Variants in EHMT1 observed in about 807,000 individuals in gnomAD.
EHMT1 encodes histone-lysine N-methyltransferase EHMT1.
EHMT1 carries 15 observed loss-of-function variants against 147.2 expected under a neutral mutation model. That is an observed-to-expected ratio of 0.10 (90% confidence interval 0.07 to 0.16). EHMT1 has a LOEUF of 0.16. Among genes scored for constraint, EHMT1 ranks in the 10% least tolerant of loss-of-function variants. The pLI is 1.00. For missense variants in EHMT1, 1,587 were observed against 1,772.4 expected, an observed-to-expected ratio of 0.90 and a Z score of 1.88; for synonymous variants, 795 against 709.6, an observed-to-expected ratio of 1.12 and a Z score of -1.91.
chr9:137,701,171 A>G (rs372676273), intron 1 of EHMT1, among the ~76,000 whole-genome samples: 6 of 152,050 alleles, frequency 3.9e-5, no homozygotes, highest in Non-Finnish European at 7.4e-5. Flanking sequence ...CCCTCCCCCA[A>G]CATTGAGGAT....
At position 137,672,977 on chromosome 9, in the gene EHMT1, G is replaced by A. The variant is rs112000510; in HGVS notation, c.22-37990G>A. ...GTTTTCTGCATGCAGGTTTAAGCCT[G>A]CATTTACACTTCTAACCACAAGGTG... On this transcript the variant is annotated intron_variant, in intron 1 of 26. Coordinates refer to ENST00000460843, the MANE Select transcript of EHMT1 (RefSeq NM_024757.5). Among the ~76,000 whole-genome samples, 1,344 of 152,338 alleles carry A rather than the reference G, an allele frequency of 8.8e-3. 14 individuals are homozygous for A. Among genetic ancestry groups the A allele is most frequent in the Non-Finnish European group, 0.012 (785 of 68,032 alleles).
intron 1 of EHMT1, among the ~76,000 whole-genome samples, chr9:137,689,517 A>C (rs10746564): frequency 0.22 from 33,612 of 152,034 alleles, 4,064 homozygotes; most frequent in Admixed American, 0.33. Context: ...AGCCTGGCCA[A>C]CATGGTGAAA....
intron 1 of EHMT1, among the ~76,000 whole-genome samples, chr9:137,654,576 GA>G (rs1328647438): frequency 1.3e-5 from 2 of 152,064 alleles, no homozygotes; most frequent in Non-Finnish European, 2.9e-5. Context: ...TCTTTTTCCA[GA>G]TTGTTTTGGC....
intron 16 of EHMT1, among the ~76,000 whole-genome samples, chr9:137,798,188 T>C (rs12682777): frequency 0.33 from 50,228 of 151,712 alleles, 8,597 homozygotes; most frequent in Admixed American, 0.43. Flanking sequence ...TTGCTTGGGG[T>C]CAGGAGTTCA....
intron 3 of EHMT1, among the ~76,000 whole-genome samples, chr9:137,719,408 C>T (rs1033134724): frequency 2.0e-5 from 3 of 152,090 alleles, no homozygotes; most frequent in African/African-American, 7.2e-5. Context: ...CTGCTGGCTC[C>T]TCAGGGGCCC....
intron 1 of EHMT1, among the ~76,000 whole-genome samples, chr9:137,660,814 G>A (rs1323788326): frequency 2.0e-5 from 3 of 152,132 alleles, no homozygotes; most frequent in Admixed American, 6.6e-5. Flanking sequence ...TGATGCCATC[G>A]TAAGTGATGG....
In EHMT1 at chr9:137,732,179, G is replaced by A. The variant is rs7032377; in HGVS notation, c.823+3650G>A. ...ACACGGGGCAGCCGCCGACACCAGC[G>A]GAGGGCAGGAGGGCTACAGTGTTAC... On this transcript the variant is annotated intron_variant, in intron 4 of 26. Coordinates refer to ENST00000460843, the MANE Select transcript of EHMT1 (RefSeq NM_024757.5). The surrounding 1 kb of genome is among the most constrained non-coding windows in gnomAD (Gnocchi z 4.6). Among the ~76,000 whole-genome samples the A allele has an allele frequency of 0.13, 20,051 of 152,242 alleles. 3,021 individuals are homozygous for A. Among genetic ancestry groups the A allele is most frequent in the African/African-American group, 0.37 (15,489 of 41,488 alleles).
At chr9:137,799,057 T>G (rs958199301) in intron 17 of EHMT1, 143 bp downstream of exon 17, 3 of 445,660 alleles carry the variant, frequency 6.7e-6, no homozygotes, top group Middle Eastern at 1.0e-3. Context: ...AGCGTCCTCT[T>G]CCACACTTAG....
chr9:137,652,829 G>A (rs1203524672), intron 1 of EHMT1, among the ~76,000 whole-genome samples: 1 of 151,356 alleles, frequency 6.6e-6, no homozygotes, highest in South Asian at 2.1e-4. Context: ...AGGTTCAAGC[G>A]ATTTTCCTGC....
chr9:137,781,414 T>C lies in EHMT1; in HGVS notation c.2276-877T>C, dbSNP rs372332600. Among the ~76,000 whole-genome samples the C allele has an allele frequency of 3.4e-3, 434 of 128,286 alleles. 4 individuals carry two copies. The highest frequency in any genetic ancestry group is 0.011 in the East Asian group (51 of 4,646). The allele number at this position is 128,286 out of a possible 152,430, so 84.2% of individuals were successfully genotyped here. On this transcript the variant is annotated intron_variant, in intron 14 of 26. Transcript: ENST00000460843. ...ATGACGCTGGGATGTGTGGTGATGA[T>C]GCTGAGATGTGTGGTGATGACGCTG...
intron 21 of EHMT1, 27 bp from the exon 22 acceptor site, chr9:137,814,404 C>T: frequency 6.2e-7 from 1 of 1,611,204 alleles, no homozygotes; most frequent in South Asian, 1.1e-5. Flanking sequence ...GCCTGCACGT[C>T]TGACCCCCCG....
rs779153176 is a variant in EHMT1, at chr9:137,716,885, G to A, written c.345G>A (p.Val115=). The A allele has an allele frequency of 1.2e-6, 2 of 1,613,212 alleles. No homozygotes were observed. The highest frequency in any genetic ancestry group is 2.2e-5 in the South Asian group (2 of 91,088). The part of the protein sequence containing the change: ...KQNHVTADDF[V]QTSVIGSNGY... ...ACCACGTCACTGCCGACGACTTTGT[G>A]CAGACTTCTGTCATCGGCAGCAACG... The change falls in exon 3 of 27, where the codon GTG becomes GTA. Residue 115 remains valine (V), a synonymous_variant. Coordinates refer to ENST00000460843, the MANE Select transcript of EHMT1 (RefSeq NM_024757.5).
chr9:137,811,406 C>T (rs1954476009), intron 18 of EHMT1, 55 bp from the exon 19 acceptor site: 2 of 1,607,908 alleles, frequency 1.2e-6, no homozygotes, highest in East Asian at 2.2e-5. Flanking sequence ...GGCCCAGCCC[C>T]AGCACTGTGA....
At chr9:137,679,544 T>A (rs914656956) in intron 1 of EHMT1, among the ~76,000 whole-genome samples, 1 of 152,200 alleles carries the variant, frequency 6.6e-6, no homozygotes, top group Non-Finnish European at 1.5e-5. Context: ...TTTCCTCCTC[T>A]TCTTACTAAT....
In EHMT1 at chr9:137,810,397, C is replaced by T. The variant is rs1172755392; in HGVS notation, c.2713-1064C>T. Among the ~76,000 whole-genome samples the T allele has an allele frequency of 3.3e-5, 5 of 152,344 alleles. No homozygotes were observed. The East Asian group carries it at 9.7e-4, about 29-fold the overall frequency. On this transcript the variant is annotated intron_variant, in intron 18 of 26. Transcript: ENST00000460843. ...GGTGGGCATCAGGCTTAGGAAACAGCGTGGGCGTGTTCCTCATTCCGTTTA... is the reference window on the plus strand; with the variant it reads ...GGTGGGCATCAGGCTTAGGAAACAGTGTGGGCGTGTTCCTCATTCCGTTTA...
In EHMT1 at chr9:137,798,908, C is replaced by T. The variant is rs928087076; in HGVS notation, c.2601C>T (p.Asn867=). ...YLLSNGQMDV[N]CQDDGGWTPM... is the part of the protein sequence containing the mutation. The stretch of plus-strand genomic sequence containing the variant: ...TTTCAAATGGACAGATGGACGTCAA[C>T]TGTCAGGTACAGCCACCCCCTCCCC... The change falls in exon 17 of 27, where the codon AAC becomes AAT. Residue 867 remains asparagine (N), a synonymous_variant. Coordinates refer to ENST00000460843, the MANE Select transcript of EHMT1 (RefSeq NM_024757.5). 3.1e-6 allele frequency: 5 copies of T among 1,613,382 alleles called. No individual in the cohort carries two copies. The African/African-American group carries it at 6.7e-5, about 22-fold the overall frequency.
At chr9:137,631,921 C>T (rs1843656062) in intron 1 of EHMT1, among the ~76,000 whole-genome samples, 1 of 152,172 alleles carries the variant, frequency 6.6e-6, no homozygotes, top group African/African-American at 2.4e-5. Flanking sequence ...GAAATTCTTA[C>T]TGCCTAATCA....
At chr9:137,710,234 G>C (rs1291976662) in intron 1 of EHMT1, among the ~76,000 whole-genome samples, 1 of 152,098 alleles carries the variant, frequency 6.6e-6, no homozygotes, top group Admixed American at 6.5e-5. Context: ...CACTTTGGGA[G>C]GCTGAGGCGG....
At chr9:137,797,887 G>A (rs1335594572) in intron 16 of EHMT1, among the ~76,000 whole-genome samples, 2 of 152,244 alleles carry the variant, frequency 1.3e-5, no homozygotes, top group Non-Finnish European at 1.5e-5. Context: ...GCCTGTGTGA[G>A]GAGCACAGGC....
Sources: gnomAD v4.1 joint callset for allele counts (sites outside exome capture counted in the v4.1 genomes callset) on GRCh38, gnomAD v4.1.1 for gene constraint, Gnocchi (gnomAD v3.1) non-coding constraint, MANE v1.5 for transcripts, NCBI Gene and HGNC (gene_info 2026-07-23, HGNC 2026-07-21) for gene names.